ARHGEF3: variants seen among roughly 807,000 people sequenced by gnomAD.
ARHGEF3 encodes 59.8 kDA protein.
ARHGEF3 carries 28 observed loss-of-function variants against 63.2 expected under a neutral mutation model. The observed-to-expected ratio is 0.44, with a 90% CI of 0.33 to 0.61. The LOEUF (loss-of-function observed/expected upper bound fraction) is 0.61, where lower values mean the gene tolerates loss of function less well. Among genes scored for constraint, ARHGEF3 ranks in the 20% least tolerant of loss-of-function variants. The pLI is 0.03. For synonymous variants in ARHGEF3, 266 were observed against 254.2 expected, an observed-to-expected ratio of 1.05 and a Z score of -0.44; for missense variants, 533 against 659.3, an observed-to-expected ratio of 0.81 and a Z score of 2.10.
At chr3:57,017,051 C>CAG (rs1560137130) in intron 2 of ARHGEF3, among the ~76,000 whole-genome samples, 45 of 151,526 alleles carry the variant, frequency 3.0e-4, no homozygotes, top group African/African-American at 1.0e-3. Context: ...CACACACACA[C>CAG]ACACACACAC....
At chr3:56,762,554 T>C (rs1409570890) in intron 2 of ARHGEF3, among the ~76,000 whole-genome samples, 1 of 152,090 alleles carries the variant, frequency 6.6e-6, no homozygotes, top group Non-Finnish European at 1.5e-5. Context: ...CAGGTAGACA[T>C]GATGGGACAG....
chr3:56,894,623 CTT>C (rs1321912681), intron 3 of ARHGEF3, among the ~76,000 whole-genome samples: 12 of 151,884 alleles, frequency 7.9e-5, no homozygotes, highest in Admixed American at 1.3e-4. Context: ...GACCCTATCT[CTT>C]TCTCTCTTTT....
intron 2 of ARHGEF3, among the ~76,000 whole-genome samples, chr3:56,965,929 T>C (rs1578971484): frequency 6.6e-6 from 1 of 152,144 alleles, no homozygotes; most frequent in East Asian, 1.9e-4. Flanking sequence ...ATTACAGGTG[T>C]GAGCCACTGC....
At chr3:56,987,330 G>GC (rs1330028907) in intron 2 of ARHGEF3, among the ~76,000 whole-genome samples, 2 of 152,212 alleles carry the variant, frequency 1.3e-5, no homozygotes, top group African/African-American at 2.4e-5. Context: ...ATAATCATGT[G>GC]CCGGCCACAG....
At chr3:57,064,443 C>A (rs999025962) in intron 1 of ARHGEF3, among the ~76,000 whole-genome samples, 4 of 152,020 alleles carry the variant, frequency 2.6e-5, no homozygotes, top group Non-Finnish European at 5.9e-5. Context: ...CCCATCTCAG[C>A]CCCCAAGTAG....
chr3:56,940,691 C>T (rs899300858), intron 3 of ARHGEF3: 9 of 148,004 alleles, frequency 6.1e-5, no homozygotes, highest in African/African-American at 2.0e-4. Flanking sequence ...GGGGGCAGCT[C>T]ACATTTAAAA....
chr3:57,015,160 T>C (rs969273499), intron 2 of ARHGEF3, among the ~76,000 whole-genome samples: 1 of 152,224 alleles, frequency 6.6e-6, no homozygotes, highest in African/African-American at 2.4e-5. Flanking sequence ...CTCATTCACT[T>C]ATGTAAATGA....
chr3:57,022,163 A>T (rs1362307522), intron 2 of ARHGEF3, among the ~76,000 whole-genome samples: 2 of 151,888 alleles, frequency 1.3e-5, no homozygotes, highest in Non-Finnish European at 2.9e-5. Flanking sequence ...AGTCCTAGCT[A>T]CTCTAGAGGC....
rs561039778 is a variant in ARHGEF3, at chr3:56,843,382, C to T, written c.192+38910G>A. ...TCAAACGATCCCCCTGCCTCAGCTC[C>T]CAGGTAGCTGGGACTACAGGTATGT... On this transcript the variant is annotated intron_variant, in intron 4 of 12. Transcript: ENST00000338458. Among the ~76,000 whole-genome samples the T allele has an allele frequency of 1.8e-4, 27 of 152,256 alleles. 1 individual carries two copies. The highest frequency in any genetic ancestry group is 7.8e-4 in the Admixed American group (12 of 15,304).
rs554544850 is a variant in ARHGEF3, at chr3:57,003,773, C to T, written c.62+31315G>A. The stretch of plus-strand genomic sequence containing the variant: ...GAGATGTGATCATGGAAGCAGAGGT[C>T]AGAGTCATGCCAGGAAGGGGCCAGG... On this transcript the variant is annotated intron_variant, in intron 2 of 12. Transcript: ENST00000338458. 3.3e-5 allele frequency among the ~76,000 whole-genome samples: 5 copies of T among 152,214 alleles called. No individual in the cohort carries two copies. The South Asian group carries it at 6.2e-4, about 19-fold the overall frequency.
intron 1 of ARHGEF3, among the ~76,000 whole-genome samples, chr3:57,063,564 C>T (rs1054487580): frequency 3.9e-5 from 6 of 152,140 alleles, no homozygotes; most frequent in South Asian, 2.1e-4. Flanking sequence ...TCAAAGATGA[C>T]GCCCCAGGCT....
intron 1 of ARHGEF3, among the ~76,000 whole-genome samples, chr3:56,793,605 G>C (rs925560159): frequency 6.6e-6 from 1 of 152,156 alleles, no homozygotes; most frequent in Non-Finnish European, 1.5e-5. Context: ...GCCCAGCTTG[G>C]TTTTATTATG....
chr3:56,966,237 T>C (rs1700489837), intron 2 of ARHGEF3, among the ~76,000 whole-genome samples: 3 of 152,248 alleles, frequency 2.0e-5, no homozygotes, highest in Admixed American at 6.5e-5. Context: ...GAAGCAAATA[T>C]GACTAAATGT....
rs552432497 is a variant in ARHGEF3, at chr3:57,039,361, A to T, written c.-27-4185T>A. Among the ~76,000 whole-genome samples the T allele has an allele frequency of 2.6e-5, 4 of 152,316 alleles. No individual in the cohort carries two copies. In the South Asian group the frequency reaches 6.2e-4, roughly 24 times the overall value. ...CTCTCATATACTGCTGTTGCTGGGA[A>T]CATAAATTGGTCCCACCATCTTGGA... On this transcript the variant is annotated intron_variant, in intron 1 of 12. Transcript: ENST00000338458.
At chr3:56,775,551 A>C (rs891979258) in intron 1 of ARHGEF3, 2 of 986,256 alleles carry the variant, frequency 2.0e-6, no homozygotes, top group East Asian at 1.1e-4. Context: ...CTCTCAGAAC[A>C]CTAGGAAGGC....
At chr3:56,833,342 C>G (rs1224960036) in intron 4 of ARHGEF3, among the ~76,000 whole-genome samples, 7 of 152,124 alleles carry the variant, frequency 4.6e-5, no homozygotes, top group African/African-American at 1.7e-4. Flanking sequence ...TTCCCTAAAG[C>G]CAACTGCAAC....
At chr3:56,865,933 A>C (rs2040235402) in intron 4 of ARHGEF3, among the ~76,000 whole-genome samples, 1 of 152,152 alleles carries the variant, frequency 6.6e-6, no homozygotes, top group East Asian at 1.9e-4. Flanking sequence ...CATCCTATTC[A>C]AAATGCAATC....
At chr3:56,912,529 T>C (rs1463047121) in intron 3 of ARHGEF3, among the ~76,000 whole-genome samples, 1 of 152,212 alleles carries the variant, frequency 6.6e-6, no homozygotes, top group Non-Finnish European at 1.5e-5. Flanking sequence ...ACAAATTATT[T>C]ATCTTCTGTA....
At chr3:56,914,834 G>A (rs1483390813) in intron 3 of ARHGEF3, among the ~76,000 whole-genome samples, 1 of 152,154 alleles carries the variant, frequency 6.6e-6, no homozygotes, top group African/African-American at 2.4e-5. Context: ...TGGTTGCCAG[G>A]GGATGGGGGA....
Sources: allele counts gnomAD v4.1 joint callset (sites outside exome capture counted in the v4.1 genomes callset), GRCh38; gene constraint gnomAD v4.1.1; transcripts MANE v1.5; gene names NCBI Gene and HGNC (gene_info 2026-07-23, HGNC 2026-07-21).